Variants in GRIK2 observed in about 807,000 individuals in gnomAD.
GRIK2 encodes glutamate ionotropic receptor kainate type subunit 2, also known as glutamate receptor ionotropic, kainate 2.
In GRIK2, 32 loss-of-function variants were observed where a neutral mutation model predicts 100.3. The observed-to-expected ratio is 0.32, with a 90% confidence interval of 0.24 to 0.43. The LOEUF is 0.43. Ranked by LOEUF, GRIK2 falls within the 20% of genes least tolerant of loss-of-function variation. The probability of loss-of-function intolerance (pLI) is 1.00; values close to 1 mark genes in which losing one functional copy is unlikely to be tolerated. For missense variants in GRIK2, 843 were observed against 1,114.9 expected (o/e 0.76, Z 3.47); for synonymous variants, 417 against 389.4 (o/e 1.07, Z -0.83).
chr6:101,863,135 T>C (rs1436111428), intron 11 of GRIK2, among the ~76,000 whole-genome samples: 1 of 152,158 alleles, frequency 6.6e-6, no homozygotes, highest in Non-Finnish European at 1.5e-5. Flanking sequence ...CGTTTGCCAT[T>C]TTATTATGTC....
intron 14 of GRIK2, among the ~76,000 whole-genome samples, chr6:101,934,764 T>C (rs1377483295): frequency 6.6e-6 from 1 of 151,942 alleles, no homozygotes; most frequent in Non-Finnish European, 1.5e-5. Context: ...GTGAAGAGAT[T>C]TACTCATTAG....
intron 2 of GRIK2, among the ~76,000 whole-genome samples, chr6:101,525,625 G>A (rs1775113426): frequency 6.6e-6 from 1 of 152,140 alleles, no homozygotes; most frequent in Non-Finnish European, 1.5e-5. Flanking sequence ...ACAAACTGCT[G>A]AAATCATTCA....
chr6:101,888,448 A>C (rs1469042091), intron 11 of GRIK2, among the ~76,000 whole-genome samples: 1 of 152,176 alleles, frequency 6.6e-6, no homozygotes, highest in Non-Finnish European at 1.5e-5. Context: ...ATTGTTTTAA[A>C]TTGATATTTT....
chr6:102,038,819 A>G (rs904122337), intron 15 of GRIK2, among the ~76,000 whole-genome samples: 2 of 151,334 alleles, frequency 1.3e-5, no homozygotes, highest in Admixed American at 6.6e-5. Context: ...TTTTTAATTT[A>G]TATATTCAGG....
intron 2 of GRIK2, among the ~76,000 whole-genome samples, chr6:101,499,726 G>A: frequency 6.6e-6 from 1 of 152,054 alleles, no homozygotes; most frequent in East Asian, 1.9e-4. Context: ...TATATACTAT[G>A]CCTAATATAG....
intron 10 of GRIK2, among the ~76,000 whole-genome samples, chr6:101,840,581 C>T (rs1434092223): frequency 6.6e-6 from 1 of 152,126 alleles, no homozygotes. Flanking sequence ...AGTGCTTTAA[C>T]ATAAAAATCC....
chr6:102,055,507 G>T lies in GRIK2; in HGVS notation c.2489G>T (p.Gly830Val). ...GGCATCTTCATTGTTCTGGCAGCCG[G>T]CTTGGTGCTTTCAGTTTTTGTGGCA... ...IGGIFIVLAA[G>V]LVLSVFVAVG... Residue 830 changes from glycine (G) to valine (V), a missense_variant, in exon 16 of 17, where the codon GGC (glycine) becomes GTC (valine). Transcript: ENST00000369134. The T allele has an allele frequency of 1.2e-6, 2 of 1,613,360 alleles. No homozygotes were observed. The highest frequency in any genetic ancestry group is 1.7e-6 in the Non-Finnish European group (2 of 1,179,418).
intron 2 of GRIK2, among the ~76,000 whole-genome samples, chr6:101,417,335 T>C (rs529135550): frequency 6.6e-6 from 1 of 152,288 alleles, no homozygotes; most frequent in South Asian, 2.1e-4. Flanking sequence ...TATCAGTGAC[T>C]TACATGTATG....
chr6:101,714,791 A>C (rs1773947328), intron 7 of GRIK2, among the ~76,000 whole-genome samples: 1 of 151,718 alleles, frequency 6.6e-6, no homozygotes, highest in Admixed American at 6.6e-5. Context: ...AAATTCTTAG[A>C]AATTATTGTT....
Position 101,604,790 on chromosome 6 carries a change from T to C in GRIK2, c.116-17159T>C, listed in dbSNP as rs143999358. 5.1e-3 allele frequency among the ~76,000 whole-genome samples: 779 copies of C among 152,094 alleles called. 3 individuals are homozygous for C. Among genetic ancestry groups the C allele is most frequent in the Middle Eastern group, 0.01 (3 of 294 alleles). ...CTTTGCTAAGCAAGATATGATATCT[T>C]ATTTTCTTCGTAGTAATAAGTAACA... On this transcript the variant is annotated intron_variant, in intron 2 of 16. Transcript: ENST00000369134.
intron 2 of GRIK2, among the ~76,000 whole-genome samples, chr6:101,561,660 G>A (rs78149341): frequency 0.27 from 41,276 of 150,968 alleles, 6,097 homozygotes; most frequent in African/African-American, 0.4. Context: ...AGAAAAAAAA[G>A]AGGATACACT....
At chr6:101,569,161 A>G (rs1236860727) in intron 2 of GRIK2, among the ~76,000 whole-genome samples, 3 of 152,056 alleles carry the variant, frequency 2.0e-5, no homozygotes, top group Non-Finnish European at 4.4e-5. Context: ...CTTTGTAACA[A>G]ATATAGGTTA....
At chr6:101,723,955 T>G (rs973372989) in intron 7 of GRIK2, among the ~76,000 whole-genome samples, 1 of 151,824 alleles carries the variant, frequency 6.6e-6, no homozygotes, top group Non-Finnish European at 1.5e-5. Flanking sequence ...ACAGATATAT[T>G]TGTATAACCA....
intron 7 of GRIK2, among the ~76,000 whole-genome samples, chr6:101,765,934 C>T (rs1778021310): frequency 6.6e-6 from 1 of 151,866 alleles, no homozygotes; most frequent in Admixed American, 6.6e-5. Context: ...TTGTGGAATC[C>T]TTTTTTTATT....
chr6:101,746,090 C>G (rs1439017574), intron 7 of GRIK2, among the ~76,000 whole-genome samples: 1 of 152,096 alleles, frequency 6.6e-6, no homozygotes, highest in Non-Finnish European at 1.5e-5. Flanking sequence ...CATTAAATTG[C>G]CAGCCAGCTA....
At chr6:102,028,074 A>C (rs1769795401) in intron 14 of GRIK2, among the ~76,000 whole-genome samples, 1 of 151,200 alleles carries the variant, frequency 6.6e-6, no homozygotes. Context: ...TGAGACTTGC[A>C]AAGAGCCAAA....
chr6:101,590,175 T>G (rs1778573433), intron 2 of GRIK2, among the ~76,000 whole-genome samples: 1 of 152,104 alleles, frequency 6.6e-6, no homozygotes, highest in Admixed American at 6.6e-5. Flanking sequence ...CAAAGTTAAT[T>G]CTGTGATGGA....
intron 7 of GRIK2, among the ~76,000 whole-genome samples, chr6:101,784,165 C>A (rs1779280168): frequency 6.6e-6 from 1 of 152,226 alleles, no homozygotes; most frequent in Non-Finnish European, 1.5e-5. Flanking sequence ...GCAGCTCCTT[C>A]CATCACAGGC....
At chr6:101,496,263 G>GA (rs1028942047) in intron 2 of GRIK2, among the ~76,000 whole-genome samples, 7 of 151,094 alleles carry the variant, frequency 4.6e-5, no homozygotes, top group Non-Finnish European at 8.9e-5. Context: ...TTTTCCTAAA[G>GA]AAAAAAAATA....
Sources: allele counts gnomAD v4.1 joint callset (sites outside exome capture counted in the v4.1 genomes callset), GRCh38; gene constraint gnomAD v4.1.1; transcripts MANE v1.5; gene names NCBI Gene and HGNC (gene_info 2026-07-23, HGNC 2026-07-21).